The following AGXT2 variants were observed in gnomAD, a reference collection of about 807,000 sequenced individuals.
AGXT2 encodes alanine--glyoxylate aminotransferase 2, also known as alanine--glyoxylate aminotransferase 2, mitochondrial.
A neutral mutation model predicts 62.5 loss-of-function variants in AGXT2; 61 were observed. That is an observed-to-expected ratio of 0.98 (90% confidence interval 0.79 to 1.21). The LOEUF (loss-of-function observed/expected upper bound fraction) is 1.21. Among genes scored for constraint, AGXT2 ranks in the 50% most tolerant of loss-of-function variants. The pLI is 0.00. For missense variants in AGXT2, 666 were observed against 641.5 expected (o/e 1.04, Z -0.41); for synonymous variants, 243 against 218.7 (o/e 1.11, Z -0.98).
In AGXT2 at chr5:35,001,497, C is replaced by T. The variant is rs111800866; in HGVS notation, c.1437+2266G>A. Among the ~76,000 whole-genome samples, 400 of 152,330 alleles carry T rather than the reference C, an allele frequency of 2.6e-3. 2 individuals carry two copies. Among genetic ancestry groups the T allele is most frequent in the Non-Finnish European group, 3.8e-3 (259 of 68,022 alleles). On this transcript the variant is annotated intron_variant, in intron 13 of 13. Transcript: ENST00000231420. ...GACTACCTGAGTTTGGATCCTGGTT[C>T]TGTCATTACTTAACCTCTCTGTGTG...
intron 12 of AGXT2, among the ~76,000 whole-genome samples, chr5:35,004,073 G>A (rs1396026223): frequency 6.6e-6 from 1 of 152,022 alleles, no homozygotes; most frequent in Non-Finnish European, 1.5e-5. Flanking sequence ...TAAAATGTTT[G>A]TTTCTAATCC....
At chr5:35,007,698 G>A (rs1475680630) in intron 12 of AGXT2, among the ~76,000 whole-genome samples, 1 of 152,158 alleles carries the variant, frequency 6.6e-6, no homozygotes, top group Non-Finnish European at 1.5e-5. Context: ...TCAGCGAAGA[G>A]AAAAAGAGCC....
intron 3 of AGXT2, among the ~76,000 whole-genome samples, chr5:35,038,160 A>T (rs1767851252): frequency 6.6e-6 from 1 of 152,222 alleles, no homozygotes; most frequent in South Asian, 2.1e-4. Flanking sequence ...TTATTTTCTC[A>T]TGGGACCCTT....
chr5:34,999,692 C>T (rs1301699381), intron 13 of AGXT2, among the ~76,000 whole-genome samples: 3 of 152,308 alleles, frequency 2.0e-5, no homozygotes, highest in African/African-American at 7.2e-5. Flanking sequence ...TTACTCAACT[C>T]CTGCGCCTCT....
intron 1 of AGXT2, among the ~76,000 whole-genome samples, chr5:35,044,775 T>G (rs1768124334): frequency 6.6e-6 from 1 of 152,220 alleles, no homozygotes; most frequent in South Asian, 2.1e-4. Flanking sequence ...GTGGGTCTTC[T>G]TCCGCACGTT....
chr5:35,016,110 G>A (rs1043529445), intron 9 of AGXT2, among the ~76,000 whole-genome samples: 4 of 152,140 alleles, frequency 2.6e-5, no homozygotes, highest in African/African-American at 4.8e-5. Flanking sequence ...GATAATGTAC[G>A]AGGAGCTCGT....
At chr5:35,047,018 AG>A (rs992980683) in intron 1 of AGXT2, among the ~76,000 whole-genome samples, 4 of 152,146 alleles carry the variant, frequency 2.6e-5, no homozygotes, top group African/African-American at 9.7e-5. Context: ...GTAGATGGGG[AG>A]GGCCTGGGGT....
Position 35,029,764 on chromosome 5 carries a change from A to T in AGXT2, c.769+2968T>A, listed in dbSNP as rs1302269703. ...TGGAACATTGTGGGGGCAGTAGGTG[A>T]TGAGGAGTGAATCTCGTCATGGATT... On this transcript the variant is annotated intron_variant, in intron 7 of 13. Coordinates refer to ENST00000231420, the MANE Select transcript of AGXT2 (RefSeq NM_031900.4). Among the ~76,000 whole-genome samples the T allele has an allele frequency of 2.0e-5, 3 of 152,224 alleles. No individual in the cohort carries two copies. The East Asian group carries it at 5.8e-4, about 29-fold the overall frequency.
intron 6 of AGXT2, chr5:35,033,183 A>G (rs976669466): frequency 3.7e-5 from 18 of 492,572 alleles, no homozygotes; most frequent in African/African-American, 2.3e-4. Flanking sequence ...ACTGCATAGA[A>G]GTTTTGTGCA....
At chr5:35,026,570 AT>A in intron 7 of AGXT2, 60 bp from the exon 8 acceptor site, 1 of 1,394,132 alleles carries the variant, frequency 7.2e-7, no homozygotes, top group Non-Finnish European at 1.0e-6. Flanking sequence ...TGAGCCTGAT[AT>A]TTAGAAACAT....
intron 12 of AGXT2, among the ~76,000 whole-genome samples, chr5:35,005,854 A>C (rs1267678085): frequency 6.8e-6 from 1 of 146,850 alleles, no homozygotes; most frequent in African/African-American, 2.5e-5. Context: ...CTATGTTTAA[A>C]GAATTATAAA....
intron 7 of AGXT2, among the ~76,000 whole-genome samples, chr5:35,030,465 G>T (rs771487383): frequency 2.0e-5 from 3 of 152,014 alleles, no homozygotes; most frequent in Admixed American, 6.5e-5. Context: ...CCGAGATCGC[G>T]CCATTGCACT....
intron 9 of AGXT2, among the ~76,000 whole-genome samples, chr5:35,014,468 A>AG (rs1766772045): frequency 6.6e-6 from 1 of 151,238 alleles, no homozygotes; most frequent in Non-Finnish European, 1.5e-5. Flanking sequence ...AAAAAAAAAA[A>AG]AAAAGAAATG....
chr5:35,017,078 A>T (rs1766870253), intron 9 of AGXT2, among the ~76,000 whole-genome samples: 1 of 152,156 alleles, frequency 6.6e-6, no homozygotes, highest in Admixed American at 6.5e-5. Context: ...GTTAATTAAG[A>T]TGACTTGTGT....
At chr5:35,003,654 G>T in intron 13 of AGXT2, 109 bp downstream of exon 13, 1 of 1,092,480 alleles carries the variant, frequency 9.2e-7, no homozygotes, top group South Asian at 1.3e-5. Flanking sequence ...TGTAAAAACT[G>T]CAACCAGCAT....
chr5:35,021,434 C>G lies in AGXT2; in HGVS notation c.963+4329G>C, dbSNP rs1767078845. ...AATAATGCTGCATATCTACAACTAT[C>G]TGATCTTTGACAAACCTGAGAAAAA... On this transcript the variant is annotated intron_variant, in intron 9 of 13. Coordinates refer to ENST00000231420, the MANE Select transcript of AGXT2 (RefSeq NM_031900.4). Among the ~76,000 whole-genome samples, 3 of 150,944 alleles carry G rather than the reference C, an allele frequency of 2.0e-5. No individual in the cohort carries two copies. In the South Asian group the frequency reaches 6.4e-4, roughly 32 times the overall value.
chr5:34,998,965 C>T, intron 13 of AGXT2, 139 bp from the exon 14 acceptor site: 2 of 715,642 alleles, frequency 2.8e-6, no homozygotes, highest in Middle Eastern at 3.5e-4. Context: ...CCTCCTCCAT[C>T]CCCAATGCTG....
intron 9 of AGXT2, among the ~76,000 whole-genome samples, chr5:35,015,640 C>T (rs996165017): frequency 2.0e-5 from 3 of 151,746 alleles, no homozygotes; most frequent in Non-Finnish European, 4.4e-5. Context: ...ACCTGAGGTC[C>T]GGAGTTTGAG....
chr5:35,039,875 T>C (rs1035797623), intron 2 of AGXT2, among the ~76,000 whole-genome samples: 1 of 152,248 alleles, frequency 6.6e-6, no homozygotes, highest in African/African-American at 2.4e-5. Flanking sequence ...GTGGTAGTGT[T>C]TTAAAAAATT....
Sources: gnomAD v4.1 joint callset for allele counts (sites outside exome capture counted in the v4.1 genomes callset) on GRCh38, gnomAD v4.1.1 for gene constraint, MANE v1.5 for transcripts, NCBI Gene and HGNC (gene_info 2026-07-23, HGNC 2026-07-21) for gene names.